The following DLG2 variants were observed in gnomAD, a reference collection of about 807,000 sequenced individuals.
The protein encoded by DLG2 is disks large homolog 2.
A neutral mutation model predicts 132.5 loss-of-function variants in DLG2; 45 were observed. The observed-to-expected ratio is 0.34, with a 90% CI of 0.27 to 0.44. The LOEUF (loss-of-function observed/expected upper bound fraction) is 0.44. Among genes scored for constraint, DLG2 ranks in the 20% least tolerant of loss-of-function variants. The pLI is 1.00. For missense variants in DLG2, 1,045 were observed against 1,196.9 expected (o/e 0.87, Z 1.87); for synonymous variants, 424 against 419.6 (o/e 1.01, Z -0.13).
intron 7 of DLG2, among the ~76,000 whole-genome samples, chr11:84,254,410 A>G (rs1329737622): frequency 6.6e-6 from 1 of 152,198 alleles, no homozygotes; most frequent in African/African-American, 2.4e-5. Flanking sequence ...AGTATTGTAT[A>G]CTTTTCTAGA....
chr11:83,773,665 A>G (rs536794585), intron 18 of DLG2, among the ~76,000 whole-genome samples: 1 of 152,310 alleles, frequency 6.6e-6, no homozygotes, highest in South Asian at 2.1e-4. Context: ...AGAACTCCCA[A>G]CAAGCATTTC....
chr11:84,054,070 C>T (rs2096455005), intron 11 of DLG2, among the ~76,000 whole-genome samples: 1 of 151,952 alleles, frequency 6.6e-6, no homozygotes, highest in South Asian at 2.1e-4. Context: ...CAAGCAAGAC[C>T]ACCTTTGGAT....
intron 3 of DLG2, among the ~76,000 whole-genome samples, chr11:85,427,175 G>A (rs944776856): frequency 1.3e-5 from 2 of 152,198 alleles, no homozygotes; most frequent in Admixed American, 1.3e-4. Flanking sequence ...GTGAAAGGGA[G>A]AATGGAACCA....
intron 7 of DLG2, among the ~76,000 whole-genome samples, chr11:84,518,769 G>A (rs551917525): frequency 2.0e-5 from 3 of 152,098 alleles, no homozygotes; most frequent in Non-Finnish European, 4.4e-5. Flanking sequence ...AAGGCAGAAA[G>A]ATAACAAGCT....
intron 3 of DLG2, among the ~76,000 whole-genome samples, chr11:85,438,854 C>T (rs1284328951): frequency 6.6e-6 from 1 of 152,196 alleles, no homozygotes; most frequent in Non-Finnish European, 1.5e-5. Flanking sequence ...CCACCTCTAT[C>T]TCTACCCTCT....
At chr11:84,095,805 G>A (rs1415791556) in intron 10 of DLG2, among the ~76,000 whole-genome samples, 1 of 152,100 alleles carries the variant, frequency 6.6e-6, no homozygotes, top group Non-Finnish European at 1.5e-5. Flanking sequence ...TGTGGATTGG[G>A]GAGAAGGTGA....
intron 6 of DLG2, among the ~76,000 whole-genome samples, chr11:84,634,803 G>A (rs959818349): frequency 3.3e-5 from 5 of 152,164 alleles, no homozygotes; most frequent in African/African-American, 7.2e-5. Flanking sequence ...ACTTGAAGGA[G>A]GCTGTGTCCT....
At chr11:85,168,582 G>A (rs778121063) in intron 4 of DLG2, among the ~76,000 whole-genome samples, 3 of 152,120 alleles carry the variant, frequency 2.0e-5, no homozygotes, top group African/African-American at 4.8e-5. Context: ...GGGTTGAGGT[G>A]AGAAATGATA....
intron 6 of DLG2, among the ~76,000 whole-genome samples, chr11:84,724,433 C>T (rs1054728849): frequency 6.6e-6 from 1 of 152,134 alleles, no homozygotes; most frequent in Non-Finnish European, 1.5e-5. Context: ...TAGAGCCAAT[C>T]CTACTCATGA....
intron 4 of DLG2, among the ~76,000 whole-genome samples, chr11:85,165,704 G>C (rs1368748743): frequency 6.6e-6 from 1 of 152,064 alleles, no homozygotes; most frequent in Non-Finnish European, 1.5e-5. Context: ...CTGGTTTTCA[G>C]GAAATTTTGT....
At chr11:84,353,228 C>T (rs1372928936) in intron 7 of DLG2, among the ~76,000 whole-genome samples, 2 of 152,150 alleles carry the variant, frequency 1.3e-5, no homozygotes, top group Admixed American at 6.5e-5. Flanking sequence ...TCTACAATAC[C>T]TAAATCCAAT....
At chr11:84,328,349 G>T (rs2098443013) in intron 7 of DLG2, among the ~76,000 whole-genome samples, 1 of 151,142 alleles carries the variant, frequency 6.6e-6, no homozygotes, top group African/African-American at 2.4e-5. Flanking sequence ...AGGAGGGAAT[G>T]GTCACAAACT....
At chr11:85,068,405 T>A (rs566884495) in intron 6 of DLG2, among the ~76,000 whole-genome samples, 1 of 152,124 alleles carries the variant, frequency 6.6e-6, no homozygotes, top group Admixed American at 6.6e-5. Flanking sequence ...GGAAACCCCA[T>A]AGTCTCAGCC....
chr11:85,576,513 A>C (rs1166191106), intron 3 of DLG2, among the ~76,000 whole-genome samples: 1 of 152,218 alleles, frequency 6.6e-6, no homozygotes, highest in Non-Finnish European at 1.5e-5. Flanking sequence ...TGAACATAGT[A>C]CTTTTCACAA....
intron 4 of DLG2, among the ~76,000 whole-genome samples, chr11:85,267,800 A>T (rs753287162): frequency 5.3e-5 from 8 of 152,166 alleles, no homozygotes; most frequent in Non-Finnish European, 8.8e-5. Flanking sequence ...TACTTTGAAC[A>T]TTATTTCTCT....
chr11:85,351,322 G>C (rs2083271099), intron 3 of DLG2, among the ~76,000 whole-genome samples: 1 of 152,148 alleles, frequency 6.6e-6, no homozygotes, highest in Admixed American at 6.5e-5. Context: ...TGAGATGATG[G>C]GGTTTTCTAA....
At chr11:84,183,889 T>C (rs1269230022) in intron 8 of DLG2, among the ~76,000 whole-genome samples, 1 of 152,218 alleles carries the variant, frequency 6.6e-6, no homozygotes, top group African/African-American at 2.4e-5. Context: ...TCCATGTCCC[T>C]ACACAGGACA....
intron 6 of DLG2, among the ~76,000 whole-genome samples, chr11:84,627,876 C>T (rs1367059276): frequency 6.6e-6 from 1 of 152,026 alleles, no homozygotes; most frequent in Non-Finnish European, 1.5e-5. Flanking sequence ...CATGAGAACT[C>T]ACTCACTATC....
intron 9 of DLG2, among the ~76,000 whole-genome samples, chr11:84,105,180 T>A (rs759443161): frequency 1.7e-4 from 26 of 152,158 alleles, no homozygotes; most frequent in Non-Finnish European, 3.8e-4. Flanking sequence ...GATTTAAACT[T>A]CTATCAGTAT....
Sources: allele counts gnomAD v4.1 joint callset (sites outside exome capture counted in the v4.1 genomes callset), GRCh38; gene constraint gnomAD v4.1.1; transcripts MANE v1.5; gene names NCBI Gene and HGNC (gene_info 2026-07-23, HGNC 2026-07-21).